The following ROBO1 variants were observed in gnomAD, a reference collection of about 807,000 sequenced individuals.
ROBO1 encodes roundabout guidance receptor 1, also known as roundabout homolog 1.
Under a neutral mutation model 195.9 loss-of-function variants are expected in ROBO1, and 149 were observed. The observed-to-expected ratio is 0.76, with a 90% CI of 0.67 to 0.87. ROBO1 has a LOEUF of 0.87. ROBO1 is among the 40% of genes least tolerant of loss of function. The probability of loss-of-function intolerance (pLI) is 0.00; values close to 1 mark genes in which losing one functional copy is unlikely to be tolerated. For missense variants in ROBO1, 1,933 were observed against 2,068.3 expected, an observed-to-expected ratio of 0.93 and a Z score of 1.27; for synonymous variants, 816 against 733.2, an observed-to-expected ratio of 1.11 and a Z score of -1.82.
intron 3 of ROBO1, among the ~76,000 whole-genome samples, chr3:78,986,629 T>G (rs2077112915): frequency 6.6e-6 from 1 of 152,096 alleles, no homozygotes; most frequent in Non-Finnish European, 1.5e-5. Flanking sequence ...CTCTGCTGCT[T>G]CTTTTAGACT....
chr3:79,236,694 A>G (rs1461354038), intron 2 of ROBO1, among the ~76,000 whole-genome samples: 1 of 152,218 alleles, frequency 6.6e-6, no homozygotes, highest in Non-Finnish European at 1.5e-5. Flanking sequence ...AAGTAAAAAG[A>G]AAACACAGGC....
chr3:78,602,771 C>G (rs1703250795), intron 29 of ROBO1, among the ~76,000 whole-genome samples: 1 of 152,124 alleles, frequency 6.6e-6, no homozygotes, highest in Non-Finnish European at 1.5e-5. Flanking sequence ...AGCTGAACCC[C>G]TACTCTTACA....
chr3:78,997,830 C>A (rs920640673), intron 3 of ROBO1, among the ~76,000 whole-genome samples: 1 of 152,068 alleles, frequency 6.6e-6, no homozygotes, highest in African/African-American at 2.4e-5. Context: ...GAAGAAACAG[C>A]ATTTCAAAAG....
intron 8 of ROBO1, chr3:78,692,952 C>A (rs1211977852): frequency 6.1e-6 from 1 of 163,438 alleles, no homozygotes; most frequent in African/African-American, 2.4e-5. Flanking sequence ...GAGAGATATA[C>A]ATGAATTCAC....
intron 4 of ROBO1, among the ~76,000 whole-genome samples, chr3:78,848,470 G>C (rs1200406713): frequency 6.6e-6 from 1 of 152,102 alleles, no homozygotes; most frequent in Non-Finnish European, 1.5e-5. Context: ...CACAGTAAAG[G>C]GGTAAGAAAG....
At chr3:79,170,719 CT>C (rs927651264) in intron 2 of ROBO1, among the ~76,000 whole-genome samples, 2 of 151,134 alleles carry the variant, frequency 1.3e-5, no homozygotes, top group Admixed American at 6.6e-5. Flanking sequence ...ATTTTTTTTT[CT>C]CTTAGGAATT....
intron 4 of ROBO1, among the ~76,000 whole-genome samples, chr3:78,757,127 C>T (rs1244395242): frequency 2.0e-5 from 3 of 152,028 alleles, no homozygotes; most frequent in Non-Finnish European, 2.9e-5. Flanking sequence ...CCTGACCTCA[C>T]GTGAGCCACC....
intron 2 of ROBO1, among the ~76,000 whole-genome samples, chr3:79,443,246 G>A (rs1367398809): frequency 6.6e-6 from 1 of 152,100 alleles, no homozygotes; most frequent in Non-Finnish European, 1.5e-5. Context: ...GCAACCAAGG[G>A]ATAAGCCTTG....
chr3:79,080,255 T>C (rs1205786220), intron 3 of ROBO1, among the ~76,000 whole-genome samples: 1 of 151,948 alleles, frequency 6.6e-6, no homozygotes, highest in Non-Finnish European at 1.5e-5. Context: ...TCAGTTACGT[T>C]GTTTTGGTAC....
intron 2 of ROBO1, among the ~76,000 whole-genome samples, chr3:79,550,202 A>AAAGAAAGAAAGAAAGAAAGAAAGGAAAG (rs61662697): frequency 3.9e-5 from 4 of 103,094 alleles, no homozygotes; most frequent in Non-Finnish European, 7.9e-5. Flanking sequence ...AAAGGAAAAG[A>AAAGAAAGAAAGAAAGAAAGAAAGGAAAG]AAAGAAAAGA....
chr3:79,662,654 T>G (rs189005756), intron 1 of ROBO1, among the ~76,000 whole-genome samples: 1 of 152,184 alleles, frequency 6.6e-6, no homozygotes, highest in Admixed American at 6.6e-5. Context: ...TCAATATCAT[T>G]TTATGTTTCT....
At chr3:78,797,823 A>G (rs570567053) in intron 4 of ROBO1, among the ~76,000 whole-genome samples, 6 of 152,318 alleles carry the variant, frequency 3.9e-5, no homozygotes, top group African/African-American at 1.4e-4. Context: ...TGAAAATCAG[A>G]TATTTATTTT....
At chr3:79,182,196 C>A (rs1306071785) in intron 2 of ROBO1, among the ~76,000 whole-genome samples, 1 of 152,110 alleles carries the variant, frequency 6.6e-6, no homozygotes, top group Non-Finnish European at 1.5e-5. Flanking sequence ...GAATTGTAGA[C>A]AAATTGCTCT....
chr3:78,794,020 A>G (rs952515734), intron 4 of ROBO1, among the ~76,000 whole-genome samples: 3 of 152,226 alleles, frequency 2.0e-5, no homozygotes, highest in Non-Finnish European at 4.4e-5. Flanking sequence ...TTAAAAAGTT[A>G]AGATTTGGTC....
intron 2 of ROBO1, among the ~76,000 whole-genome samples, chr3:79,196,229 T>C (rs1428352794): frequency 1.3e-5 from 2 of 151,128 alleles, no homozygotes; most frequent in African/African-American, 4.9e-5. Context: ...TCAGAAAAGA[T>C]GGCATCTATC....
At chr3:79,038,574 T>G (rs189720475) in intron 3 of ROBO1, among the ~76,000 whole-genome samples, 1 of 152,274 alleles carries the variant, frequency 6.6e-6, no homozygotes, top group Non-Finnish European at 1.5e-5. Context: ...CCTGTATACT[T>G]GTTGATTTTG....
chr3:79,277,013 T>C (rs2031093278), intron 2 of ROBO1, among the ~76,000 whole-genome samples: 1 of 151,980 alleles, frequency 6.6e-6, no homozygotes, highest in African/African-American at 2.4e-5. Context: ...TTGTACACCA[T>C]TGGTGAGAAA....
chr3:78,768,824 C>A (rs1230978072), intron 4 of ROBO1, among the ~76,000 whole-genome samples: 1 of 125,208 alleles, frequency 8.0e-6, no homozygotes, highest in Admixed American at 8.9e-5. Flanking sequence ...CCCACCCCAC[C>A]ACAGTCCCCA....
chr3:79,687,062 G>A (rs745758898), intron 1 of ROBO1, among the ~76,000 whole-genome samples: 45 of 151,930 alleles, frequency 3.0e-4, no homozygotes, highest in African/African-American at 9.4e-4. Context: ...AAATAATGCC[G>A]CTTATCTACA....
Sources: gnomAD v4.1 joint callset for allele counts (sites outside exome capture counted in the v4.1 genomes callset) on GRCh38, gnomAD v4.1.1 for gene constraint, MANE v1.5 for transcripts, NCBI Gene and HGNC (gene_info 2026-07-23, HGNC 2026-07-21) for gene names.